CLEC18B: variants seen among roughly 807,000 people sequenced by gnomAD.
CLEC18B encodes C-type lectin domain family 18 member B, also known as mannose receptor-like 2.
In CLEC18B, 5 loss-of-function variants were observed where a neutral mutation model predicts 60.4. That is an observed-to-expected ratio of 0.08 (90% CI 0.04 to 0.17). The LOEUF is 0.17. Ranked by LOEUF, CLEC18B falls within the 10% of genes least tolerant of loss-of-function variation. CLEC18B has a pLI of 1.00. For synonymous variants in CLEC18B, 16 were observed against 221.2 expected, an observed-to-expected ratio of 0.07 and a Z score of 8.23; for missense variants, 26 against 572.8, an observed-to-expected ratio of 0.05 and a Z score of 9.74.
In CLEC18B at chr16:74,421,395, G is replaced by T; in HGVS notation, c.-125C>A. 6.2e-7 allele frequency: 1 copy of T among 1,600,256 alleles called. No homozygotes were observed. The highest frequency in any genetic ancestry group is 2.3e-4 in the Middle Eastern group (1 of 4,394). ...GGCTGGGCTGGTGGACAAAAGAGGG[G>T]GGCTGGTGAACAAAAGAAGGAGGCT... On this transcript the variant is annotated 5_prime_UTR_variant, in exon 1 of 12. Coordinates refer to ENST00000682950, the MANE Select transcript of CLEC18B (RefSeq NM_001385193.1).
At chr16:74,413,254 C>G in intron 4 of CLEC18B, 96 bp from the exon 5 acceptor site, 1 of 1,611,300 alleles carries the variant, frequency 6.2e-7, no homozygotes, top group Non-Finnish European at 8.5e-7. Context: ...GCCCCTTCAG[C>G]TCCTGCGGCC....
upstream of CLEC18B, among the ~76,000 whole-genome samples, chr16:74,424,197 G>T (rs1299700801): frequency 6.9e-6 from 1 of 144,934 alleles, no homozygotes; most frequent in African/African-American, 2.6e-5. Flanking sequence ...GAGTCATTTT[G>T]TCTCTTCCTG....
In CLEC18B at chr16:74,413,587, G is replaced by C. The variant is rs144215040; in HGVS notation, c.546C>G (p.Tyr182Ter). The change falls in exon 4 of 12, where the codon TAC becomes TAG. Residue 182 changes from tyrosine (Y) to a stop codon, truncating the protein, a stop_gained. Coordinates refer to ENST00000682950, the MANE Select transcript of CLEC18B (RefSeq NM_001385193.1). LOFTEE classifies it high-confidence loss of function. The part of the protein sequence containing the change: ...QTAIEAFVCA[Y>*]SPGGNWEVNG... The stretch of plus-strand genomic sequence containing the variant: ...GGTGTAGCAGGGCTTACCCGGGGGA[G>C]TAGGCACAGACAAAGGCTTCTATCG... 2.3e-4 allele frequency: 376 copies of C among 1,613,666 alleles called. No homozygotes were observed. The African/African-American group carries it at 4.4e-3, about 19-fold the overall frequency.
intron 3 of CLEC18B, 71 bp from the exon 4 acceptor site, chr16:74,413,747 A>C: frequency 6.2e-7 from 1 of 1,612,682 alleles, no homozygotes; most frequent in East Asian, 2.2e-5. Flanking sequence ...AGCTTTCGCT[A>C]TCATCCAGGC....
At chr16:74,423,632 T>C (rs2013753130), upstream of CLEC18B, among the ~76,000 whole-genome samples, 1 of 151,042 alleles carries the variant, frequency 6.6e-6, no homozygotes, top group Non-Finnish European at 1.5e-5. Flanking sequence ...GAGGTTGCAG[T>C]GAAGCAAGAT....
At chr16:74,414,350 C>G (rs1444364854) in intron 3 of CLEC18B, among the ~76,000 whole-genome samples, 1 of 152,270 alleles carries the variant, frequency 6.6e-6, no homozygotes, top group East Asian at 1.9e-4. Context: ...TTAAATGTGA[C>G]TCTGCAGCTT....
Position 74,418,746 on chromosome 16 carries a change from C to A in CLEC18B, c.217-448G>T, listed in dbSNP as rs2013537835. Among the ~76,000 whole-genome samples the A allele has an allele frequency of 2.0e-5, 3 of 152,332 alleles. No individual in the cohort carries two copies. The South Asian group carries it at 6.2e-4, about 32-fold the overall frequency. On this transcript the variant is annotated intron_variant, in intron 2 of 11. Transcript: ENST00000682950. The stretch of plus-strand genomic sequence containing the variant: ...TGCCCTAGTCTCCTGCCCCCAGGAG[C>A]CTGGCCTCATATGCTCCCCACCACG...
At position 74,418,117 on chromosome 16, in the gene CLEC18B, C is replaced by T. The variant is rs199857045; in HGVS notation, c.398G>A (p.Arg133Gln). The change falls in exon 3 of 12, where the codon CGG becomes CAG. Residue 133 changes from arginine to glutamine, a missense_variant. By Grantham distance (43) the Arg-to-Gln change is conservative. Coordinates refer to ENST00000682950, the MANE Select transcript of CLEC18B (RefSeq NM_001385193.1). ...VVSLWFAEGQ[R>Q]YSHAAGECAR... The stretch of plus-strand genomic sequence containing the variant: ...ACACTCTCCTGCCGCGTGGCTGTAC[C>T]GCTGCCCCTCTGCAAACCACAGGCT... The T allele has an allele frequency of 1.7e-4, 264 of 1,539,516 alleles. 17 individuals are homozygous for T. Among genetic ancestry groups the T allele is most frequent in the Middle Eastern group, 5.2e-4 (3 of 5,820 alleles).
upstream of CLEC18B, among the ~76,000 whole-genome samples, chr16:74,423,922 C>T (rs1338218651): frequency 6.6e-6 from 1 of 152,218 alleles, no homozygotes; most frequent in Non-Finnish European, 1.5e-5. Flanking sequence ...AACTTGGTTT[C>T]CATGGTACTC....
intron 2 of CLEC18B, among the ~76,000 whole-genome samples, chr16:74,419,066 A>T (rs1367194691): frequency 1.3e-5 from 2 of 152,162 alleles, no homozygotes; most frequent in African/African-American, 4.8e-5. Context: ...GAGTGCTGGG[A>T]TTACAGGTGT....
upstream of CLEC18B, chr16:74,422,518 A>AT (rs2013725145): frequency 6.6e-6 from 1 of 150,842 alleles, no homozygotes; most frequent in Non-Finnish European, 1.5e-5. Flanking sequence ...GGATGAGGCC[A>AT]GGCATACAGG....
At chr16:74,421,892 G>A (rs1456701247), upstream of CLEC18B, 3 of 140,728 alleles carry the variant, frequency 2.1e-5, no homozygotes, top group Non-Finnish European at 4.6e-5. Flanking sequence ...GCAATCTGTG[G>A]GCTCAAAGGG....
upstream of CLEC18B, among the ~76,000 whole-genome samples, chr16:74,423,858 C>A: frequency 6.6e-6 from 1 of 152,222 alleles, no homozygotes; most frequent in Non-Finnish European, 1.5e-5. Flanking sequence ...GCTCAGTATC[C>A]AATGGCGTAG....
Position 74,418,171 on chromosome 16 carries a change from G to A in CLEC18B, c.344C>T (p.Ala115Val), listed in dbSNP as rs200151700. ...QVGWNMQLLP[A>V]GLASFVEVVS... ...CACTTCAACAAAGGACGCCAAGCCC[G>A]CGGGCAGCAGCTGCATGTTCCAGCC... The change falls in exon 3 of 12, where the codon GCG becomes GTG. Residue 115 changes from alanine to valine, a missense_variant. Coordinates refer to ENST00000682950, the MANE Select transcript of CLEC18B (RefSeq NM_001385193.1). 74 of 1,583,642 alleles carry A rather than the reference G, an allele frequency of 4.7e-5. No individual in the cohort carries two copies. Among genetic ancestry groups the A allele is most frequent in the African/African-American group, 3.3e-4 (23 of 69,160 alleles).
chr16:74,422,555 TC>T (rs2013726510), upstream of CLEC18B: 2 of 149,932 alleles, frequency 1.3e-5, no homozygotes, highest in Non-Finnish European at 3.0e-5. Flanking sequence ...GAACTGCATG[TC>T]CCCCACAATA....
chr16:74,413,849 C>CTTTTTTTTTTATTTAT (rs10676553), intron 3 of CLEC18B, among the ~76,000 whole-genome samples, 173 bp from the exon 4 acceptor site: 8 of 149,468 alleles, frequency 5.4e-5, no homozygotes, highest in East Asian at 2.0e-4. Context: ...TTCAGGAAGG[C>CTTTTTTTTTTATTTAT]TTATTTATTT....
Position 74,413,665 on chromosome 16 carries a change from G to A in CLEC18B, c.468C>T (p.Ala156=). ...GCCCACAGCCCAGCTGGCTTGAGGT[G>A]GCCCACACGAGCTACAGGAGACACA... ...TCTHYTQLVW[A]TSSQLGCGRH... The change falls in exon 4 of 12, where the codon GCC becomes GCT. Residue 156 remains alanine (A), a synonymous_variant. Transcript: ENST00000682950. The A allele has an allele frequency of 6.2e-7, 1 of 1,613,992 alleles. No homozygotes were observed. Among genetic ancestry groups the A allele is most frequent in the Non-Finnish European group, 8.5e-7 (1 of 1,179,882 alleles).
chr16:74,413,521 G>A (rs2013278480), intron 4 of CLEC18B, 58 bp downstream of exon 4: 1 of 1,613,568 alleles, frequency 6.2e-7, no homozygotes, highest in African/African-American at 1.3e-5. Context: ...CTCACCCTCG[G>A]TGAAAGCACC....
chr16:74,421,917 C>T (rs1230118562), upstream of CLEC18B: 6 of 139,838 alleles, frequency 4.3e-5, no homozygotes, highest in South Asian at 2.6e-4. Context: ...GGGCTGAGGC[C>T]GCACCTGCAC....
Sources: gnomAD v4.1 joint callset for allele counts (sites outside exome capture counted in the v4.1 genomes callset) on GRCh38, gnomAD v4.1.1 for gene constraint, MANE v1.5 for transcripts, NCBI Gene and HGNC (gene_info 2026-07-23, HGNC 2026-07-21) for gene names.